Variants in SLC9A6 observed in about 807,000 individuals in gnomAD.
The protein encoded by SLC9A6 is sodium/hydrogen exchanger 6.
A neutral mutation model predicts 45.3 loss-of-function variants in SLC9A6; 6 were observed. The observed-to-expected ratio is 0.13, with a 90% CI of 0.07 to 0.26. The LOEUF (loss-of-function observed/expected upper bound fraction) is 0.26, where lower values mean the gene tolerates loss of function less well. SLC9A6 is among the 10% of genes least tolerant of loss of function. The probability of loss-of-function intolerance (pLI) is 1.00; values close to 1 mark genes in which losing one functional copy is unlikely to be tolerated. For missense variants in SLC9A6, 278 were observed against 503.7 expected (o/e 0.55, Z 4.29); for synonymous variants, 191 against 187.7 (o/e 1.02, Z -0.14).
At chrX:136,014,052 A>G (rs1431482297) in intron 10 of SLC9A6, among the ~76,000 whole-genome samples, 3 of 112,130 alleles carry the variant, frequency 2.7e-5, no homozygotes, top group Non-Finnish European at 5.6e-5. Flanking sequence ...GGGAATTATA[A>G]AGGAGATAGG....
rs1556623594 is a variant in SLC9A6, at chrX:136,046,494, CACTT to C, written c.*1773_*1776del. ...GTTTGAGGAGTTTGAACGTCAGTGT[CACTT>C]ACCCACAAAGTTATTCAAGTTGTAA... is the stretch of plus-strand genomic sequence containing the variant. On this transcript the variant is annotated 3_prime_UTR_variant, in exon 18 of 18. Transcript: ENST00000630721. 1 of 112,844 alleles carries C rather than the reference CACTT, an allele frequency of 8.9e-6. No individual in the cohort carries two copies. Among genetic ancestry groups the C allele is most frequent in the Non-Finnish European group, 1.9e-5 (1 of 53,312 alleles). The allele number at this position is 112,844 out of a possible 1,213,427, so 9.3% of individuals were successfully genotyped here.
chrX:135,998,200 C>T lies in SLC9A6; in HGVS notation c.447+15C>T. On this transcript the variant is annotated intron_variant, in intron 4 of 17. Transcript: ENST00000630721. ...GCCTGAAAAGGGTAAGTCCTTTTGT[C>T]TTTCATATACTTTGAATAATCTTAA... The T allele has an allele frequency of 1.1e-6, 1 of 936,643 alleles. No homozygotes were observed. Among genetic ancestry groups the T allele is most frequent in the Non-Finnish European group, 1.5e-6 (1 of 645,259 alleles). The allele number at this position is 936,643 out of a possible 1,213,427, so 77.2% of individuals were successfully genotyped here.
chrX:136,013,509 A>C lies in SLC9A6; in HGVS notation c.1080+72A>C, dbSNP rs1364448392. The C allele has an allele frequency of 4.1e-6, 3 of 734,877 alleles. No individual in the cohort carries two copies. The Admixed American group carries it at 7.4e-5, about 18-fold the overall frequency. The allele number at this position is 734,877 out of a possible 1,213,427, so 60.6% of individuals were successfully genotyped here. On this transcript the variant is annotated intron_variant, in intron 10 of 17. Coordinates refer to ENST00000630721, the MANE Select transcript of SLC9A6 (RefSeq NM_001379110.1). ...CAAAATAGAAGTCTTTTTTACTAAA[A>C]AAAAAAAATAGTCTTTGATCTGTTC...
upstream of SLC9A6, chrX:135,974,635 A>C: frequency 2.9e-6 from 1 of 341,046 alleles, no homozygotes; most frequent in Non-Finnish European, 5.9e-6. Context: ...TGTTTTCTGT[A>C]GGCCTTTCCT....
At chrX:135,988,512 TTCTCTC>T (rs1161082869) in intron 2 of SLC9A6, among the ~76,000 whole-genome samples, 39 of 106,414 alleles carry the variant, frequency 3.7e-4, no homozygotes, top group Middle Eastern at 4.7e-3. Flanking sequence ...CTTTCTTTCT[TTCTCTC>T]TCTTTCTTTC....
chrX:136,017,369 G>C (rs1316849071), intron 11 of SLC9A6, among the ~76,000 whole-genome samples: 4 of 107,564 alleles, frequency 3.7e-5, no homozygotes, highest in Non-Finnish European at 7.7e-5. Context: ...AGTGAGCTGT[G>C]ATTGGGTCAC....
rs1326969211 is a variant in SLC9A6 at position 135,985,443 on chromosome X, G to C, written c.-91G>C. The C allele has an allele frequency of 7.8e-6, 7 of 892,212 alleles. No individual in the cohort carries two copies. The East Asian group carries it at 1.2e-4, about 16-fold the overall frequency. 73.5% of individuals were successfully genotyped at this position (892,212 alleles called of 1,213,427 possible). A position where few individuals can be genotyped will look rare whatever the true frequency, so the allele number is the denominator to read the frequency against. ...CCCCGCCCCTTTCCCGTGAGCCCTC[G>C]GGGAGTGGTCCGACCGCGGGCGGCC... is the stretch of plus-strand genomic sequence containing the variant. On this transcript the variant is annotated 5_prime_UTR_variant, in exon 1 of 18. Coordinates refer to ENST00000630721, the MANE Select transcript of SLC9A6 (RefSeq NM_001379110.1).
chrX:135,992,483 A>G (rs1556615870), intron 2 of SLC9A6, among the ~76,000 whole-genome samples: 1 of 111,768 alleles, frequency 8.9e-6, no homozygotes, highest in East Asian at 2.8e-4. Flanking sequence ...CCCTTCCCCA[A>G]CAGATAAGAT....
chrX:136,024,337 T>G lies in SLC9A6; in HGVS notation c.1314T>G (p.Arg438=), dbSNP rs1290743769. The G allele has an allele frequency of 8.3e-7, 1 of 1,209,821 alleles. No individual in the cohort carries two copies. Among genetic ancestry groups the G allele is most frequent in the Non-Finnish European group, 1.1e-6 (1 of 894,909 alleles). ...TTTTCTGTTCCCCTGTAGGCCTTCG[T>G]GGTGCAATGGCATTTGCCTTGGCCA... ...FQHMMMFAGL[R]GAMAFALAIR... Residue 438 remains arginine, a synonymous_variant, in exon 13 of 18, where the codon CGT becomes CGG. Coordinates refer to ENST00000630721, the MANE Select transcript of SLC9A6 (RefSeq NM_001379110.1).
intron 10 of SLC9A6, among the ~76,000 whole-genome samples, chrX:136,014,304 C>T (rs1246096309): frequency 8.9e-6 from 1 of 111,990 alleles, no homozygotes; most frequent in African/African-American, 3.2e-5. Flanking sequence ...ATGCTTTTCC[C>T]CAGCCCCTCA....
At chrX:136,031,421 C>A (rs1423076824) in intron 15 of SLC9A6, among the ~76,000 whole-genome samples, 1 of 112,246 alleles carries the variant, frequency 8.9e-6, no homozygotes, top group Non-Finnish European at 1.9e-5. Flanking sequence ...ATGGCTGGGC[C>A]GGGCATGGTG....
chrX:136,023,099 C>T (rs1444969480), intron 12 of SLC9A6, among the ~76,000 whole-genome samples: 2 of 95,247 alleles, frequency 2.1e-5, no homozygotes, highest in Non-Finnish European at 2.1e-5. Context: ...GCATGAGGCA[C>T]CACGCCTGGC....
At chrX:136,004,484 T>A (rs1556617730) in intron 7 of SLC9A6, among the ~76,000 whole-genome samples, 1 of 111,657 alleles carries the variant, frequency 9.0e-6, no homozygotes, top group African/African-American at 3.3e-5. Context: ...GTAAGAGCCC[T>A]TCACATTTTC....
At chrX:136,012,879 C>A in intron 8 of SLC9A6, 70 bp from the exon 9 acceptor site, 1 of 807,054 alleles carries the variant, frequency 1.2e-6, no homozygotes, top group Non-Finnish European at 1.9e-6. Context: ...GGTTGCCTTG[C>A]TTAAACTGTT....
intron 2 of SLC9A6, among the ~76,000 whole-genome samples, chrX:135,992,017 C>T (rs1189675943): frequency 9.0e-6 from 1 of 111,681 alleles, no homozygotes; most frequent in African/African-American, 3.3e-5. Flanking sequence ...GTTGAGACCC[C>T]TCGCTTTAGC....
At chrX:135,999,034 GT>G (rs782548179) in intron 6 of SLC9A6, 66 bp downstream of exon 6, 163 of 699,245 alleles carry the variant, frequency 2.3e-4, no homozygotes, top group African/African-American at 1.7e-3. Flanking sequence ...ATACATGTGG[GT>G]TTTTCTTTCT....
chrX:135,976,551 G>A (rs1004644024), intron 1 of SLC9A6, among the ~76,000 whole-genome samples: 2 of 106,606 alleles, frequency 1.9e-5, no homozygotes, highest in African/African-American at 3.4e-5. Context: ...GCAGTGAGCC[G>A]AGATCACGCC....
At chrX:135,989,831 C>G (rs1204738429) in intron 2 of SLC9A6, among the ~76,000 whole-genome samples, 1 of 111,412 alleles carries the variant, frequency 9.0e-6, no homozygotes, top group Non-Finnish European at 1.9e-5. Context: ...CTTTTCAGCA[C>G]AGGAGGGTCA....
upstream of SLC9A6, chrX:135,985,324 A>C (rs936927832): frequency 3.2e-6 from 1 of 310,553 alleles, no homozygotes; most frequent in African/African-American, 2.8e-5. Flanking sequence ...GACCTGGGAC[A>C]GAGGGGCAAA....
Sources: gnomAD v4.1 joint callset for allele counts (sites outside exome capture counted in the v4.1 genomes callset) on GRCh38, gnomAD v4.1.1 for gene constraint, MANE v1.5 for transcripts, NCBI Gene and HGNC (gene_info 2026-07-23, HGNC 2026-07-21) for gene names.